PAPLN: variants seen among roughly 807,000 people sequenced by gnomAD.
The protein encoded by PAPLN is papilin.
Under a neutral mutation model 159.0 loss-of-function variants are expected in PAPLN, and 146 were observed. The observed-to-expected ratio is 0.92, with a 90% CI of 0.80 to 1.05. The LOEUF is 1.05. Ranked by LOEUF, PAPLN falls within the 50% of genes least tolerant of loss-of-function variation. The pLI, the probability that PAPLN is intolerant of heterozygous loss-of-function variation, is 0.00. For synonymous variants in PAPLN, 734 were observed against 702.9 expected (o/e 1.04, Z -0.70); for missense variants, 1,720 against 1,743.9 (o/e 0.99, Z 0.24).
chr14:73,260,682 G>GT (rs1566697678), intron 16 of PAPLN, 27 bp from the exon 17 acceptor site: 3 of 1,433,582 alleles, frequency 2.1e-6, no homozygotes. Context: ...AGGCTGGGCA[G>GT]TGAGGGGCTG....
At position 73,251,482 on chromosome 14, in the gene PAPLN, C is replaced by G. The variant is rs758202741; in HGVS notation, c.590-4C>G. ...ACACCCAGCACCTGCGTCTCTGCCC[C>G]CAGGCTACAACCAGATCCTCATAGT... On this transcript the variant is annotated splice_polypyrimidine_tract_variant and splice_region_variant and intron_variant, in intron 7 of 26. Transcript: ENST00000644200. 2.5e-6 allele frequency: 4 copies of G among 1,604,776 alleles called. No homozygotes were observed.
chr14:73,249,410 A>T (rs531826531), intron 5 of PAPLN, among the ~76,000 whole-genome samples: 1 of 152,270 alleles, frequency 6.6e-6, no homozygotes, highest in African/African-American at 2.4e-5. Context: ...ACAGTGGTTT[A>T]CACCTGTAAT....
rs369827131 is a variant in PAPLN, at chr14:73,262,792, A to G, written c.2688A>G (p.Gly896=). The change falls in exon 19 of 27, where the codon GGA becomes GGG. Residue 896 remains glycine (G), a synonymous_variant. Transcript: ENST00000644200. The part of the protein sequence containing the change: ...SRAPGLGGDA[G]SPAPPFHSSS... ...CCCCTGGACTGGGTGGAGATGCCGG[A>G]TCACCAGCGCCACCCTTCCACAGCT... The G allele has an allele frequency of 1.9e-5, 29 of 1,498,200 alleles. 1 individual carries two copies. The African/African-American group carries it at 3.9e-4, about 20-fold the overall frequency. The allele number at this position is 1,498,200 out of a possible 1,614,324, so 92.8% of individuals were successfully genotyped here. A position where few individuals can be genotyped will look rare whatever the true frequency, so the allele number is the denominator to read the frequency against.
Position 73,264,297 on chromosome 14 carries a change from C to T in PAPLN, c.2948C>T (p.Pro983Leu), listed in dbSNP as rs1886980524. The T allele has an allele frequency of 6.2e-7, 1 of 1,614,004 alleles. No individual in the cohort carries two copies. The change falls in exon 21 of 27, where the codon CCA (proline) becomes CTA (leucine). Residue 983 changes from proline (P) to leucine (L), a missense_variant. Transcript: ENST00000644200. ...ACCTACAGCTGTGGCAGCACCCGGCCAGGCCGCGACTCCCAGAAGATCCAA... is the reference window on the plus strand; with the variant it reads ...ACCTACAGCTGTGGCAGCACCCGGCTAGGCCGCGACTCCCAGAAGATCCAA... ...AGTYSCGSTR[P>L]GRDSQKIQLR...
rs1885194308 is a variant in PAPLN, at chr14:73,251,033, G to A, written c.589+3G>A. The stretch of plus-strand genomic sequence containing the variant: ...TGACGCTAATGACCTCAGCCGAGGT[G>A]GGGGTGGTTCCGACAAGGGGCAGTT... On this transcript the variant is annotated splice_donor_region_variant and intron_variant, in intron 7 of 26. Coordinates refer to ENST00000644200, the MANE Select transcript of PAPLN (RefSeq NM_001365906.3). The A allele has an allele frequency of 6.2e-7, 1 of 1,609,106 alleles. No individual in the cohort carries two copies. The highest frequency in any genetic ancestry group is 8.5e-7 in the Non-Finnish European group (1 of 1,177,846).
chr14:73,245,876 C>A lies in PAPLN; in HGVS notation c.231+180C>A. ...TCCTCACCCTGCTCCCGGGGACTGG[C>A]CTTGCCCTCCACAGCCTAGAGCACC... is the stretch of plus-strand genomic sequence containing the variant. On this transcript the variant is annotated intron_variant, in intron 4 of 26. Coordinates refer to ENST00000644200, the MANE Select transcript of PAPLN (RefSeq NM_001365906.3). This position sits in a 1 kb window ranked among gnomAD's most constrained non-coding sequence, Gnocchi z 4.2. 1.1e-6 allele frequency: 1 copy of A among 919,578 alleles called. No individual in the cohort carries two copies. The highest frequency in any genetic ancestry group is 1.6e-6 in the Non-Finnish European group (1 of 621,506). The allele number at this position is 919,578 out of a possible 1,614,324, so 57.0% of individuals were successfully genotyped here. A position where few individuals can be genotyped will look rare whatever the true frequency, so the allele number is the denominator to read the frequency against.
chr14:73,237,249 G>A (rs902345875), upstream of PAPLN, among the ~76,000 whole-genome samples: 1 of 152,166 alleles, frequency 6.6e-6, no homozygotes, highest in African/African-American at 2.4e-5. Flanking sequence ...GCTTGGGCAA[G>A]GGGAAATGGG....
Position 73,251,582 on chromosome 14 carries a change from T to G in PAPLN, c.670+16T>G. On this transcript the variant is annotated intron_variant, in intron 8 of 26. Coordinates refer to ENST00000644200, the MANE Select transcript of PAPLN (RefSeq NM_001365906.3). ...AACTTCCTGGGTGAGAGCCTAGGGT[T>G]AGGTCCTAGGCAGGTCTGGGGCTGC... The G allele has an allele frequency of 6.2e-7, 1 of 1,613,100 alleles. No homozygotes were observed. The highest frequency in any genetic ancestry group is 8.5e-7 in the Non-Finnish European group (1 of 1,179,830).
rs144222816 is a variant in PAPLN at position 73,252,715 on chromosome 14, G to A, written c.1034G>A (p.Arg345His). ...GCCTACCCCGACCACATGTGCCAGC[G>A]CCAGCCACGGCCAGCTGACCGGCGT... Reference protein sequence around the residue: ...HEAYPDHMCQRQPRPADRRSC... With the variant: ...HEAYPDHMCQHQPRPADRRSC... The change falls in exon 11 of 27, where the codon CGC becomes CAC. Residue 345 changes from arginine (R) to histidine (H), a missense_variant. By Grantham distance (29) the Arg-to-His change is conservative (BLOSUM62 0). Coordinates refer to ENST00000644200, the MANE Select transcript of PAPLN (RefSeq NM_001365906.3). The A allele has an allele frequency of 2.6e-5, 42 of 1,613,340 alleles. 1 individual carries two copies. In the African/African-American group the frequency reaches 4.1e-4, roughly 16 times the overall value.
At position 73,265,594 on chromosome 14, in the gene PAPLN, C is replaced by G. The variant is rs177383; in HGVS notation, c.3263+87C>G. ...GGCCACCGGGGAAGGGAGCTGCTAG[C>G]GCATGGTCATGGCCAGTCCTGAGCC... On this transcript the variant is annotated intron_variant, in intron 23 of 26. Coordinates refer to ENST00000644200, the MANE Select transcript of PAPLN (RefSeq NM_001365906.3). The surrounding 1 kb of genome is among the most constrained non-coding windows in gnomAD (Gnocchi z 4.1). 1,155,483 of 1,552,216 alleles carry G rather than the reference C, an allele frequency of 0.74. 433,861 individuals are homozygous for G. The highest frequency in any genetic ancestry group is 0.95 in the African/African-American group (70,802 of 74,190).
chr14:73,266,721 A>G lies in PAPLN; in HGVS notation c.3392-2A>G. ...CTGACAATGACTTGTCCTTGTGCCC[A>G]GGGGAGCTGACAATCTCAGGACTGC... On this transcript the variant is annotated splice_acceptor_variant, in intron 24 of 26. Transcript: ENST00000644200. LOFTEE classifies it high-confidence loss of function. 6.2e-7 allele frequency: 1 copy of G among 1,614,090 alleles called. No homozygotes were observed. The highest frequency in any genetic ancestry group is 8.5e-7 in the Non-Finnish European group (1 of 1,179,984).
chr14:73,250,886 C>T (rs755529813), intron 6 of PAPLN, 21 bp from the exon 7 acceptor site: 28 of 1,600,006 alleles, frequency 1.7e-5, no homozygotes, highest in Non-Finnish European at 2.3e-5. Flanking sequence ...TCTCCCCTGC[C>T]TCCCGCATCT....
intron 15 of PAPLN, 45 bp from the exon 16 acceptor site, chr14:73,259,224 G>A (rs1886275722): frequency 6.5e-7 from 1 of 1,527,412 alleles, no homozygotes; most frequent in African/African-American, 1.4e-5. Flanking sequence ...GTGGAGGGGA[G>A]GAGCCAGGTG....
At chr14:73,254,782 G>A (rs370336009) in intron 13 of PAPLN, 87 bp downstream of exon 13, 19 of 1,588,352 alleles carry the variant, frequency 1.2e-5, no homozygotes, top group Admixed American at 8.5e-5. Context: ...GACCTGACAC[G>A]CGCCACTGGG....
chr14:73,251,391 C>A, intron 7 of PAPLN, 95 bp from the exon 8 acceptor site: 1 of 1,294,292 alleles, frequency 7.7e-7, no homozygotes, highest in Non-Finnish European at 1.1e-6. Context: ...CCCTCCCTGC[C>A]CCCATTCTGT....
At chr14:73,256,940 G>A (rs1373815093) in intron 14 of PAPLN, among the ~76,000 whole-genome samples, 1 of 152,056 alleles carries the variant, frequency 6.6e-6, no homozygotes, top group East Asian at 1.9e-4. Flanking sequence ...TCTAGGGATT[G>A]GCAAGATGTA....
intron 14 of PAPLN, among the ~76,000 whole-genome samples, chr14:73,255,771 G>T (rs1885837990): frequency 6.6e-6 from 1 of 152,178 alleles, no homozygotes; most frequent in South Asian, 2.1e-4. Context: ...GATGAAGGAA[G>T]GCAGAATTTC....
rs1465627766 is a variant in PAPLN, at chr14:73,261,224, C to T, written c.2175C>T (p.Gly725=). 6.2e-7 allele frequency: 1 copy of T among 1,614,024 alleles called. No individual in the cohort carries two copies. Among genetic ancestry groups the T allele is most frequent in the Admixed American group, 1.7e-5 (1 of 60,022 alleles). The change falls in exon 18 of 27, where the codon GGC becomes GGT. Residue 725 remains glycine, a synonymous_variant. Coordinates refer to ENST00000644200, the MANE Select transcript of PAPLN (RefSeq NM_001365906.3). The stretch of plus-strand genomic sequence containing the variant: ...GTGAGTGCCGGGGCTCCCAGTTTGG[C>T]TGTTGCTATGACAACGTGGCCACTG... ...EPSECRGSQF[G]CCYDNVATAA... is the part of the protein sequence containing the mutation.
intron 2 of PAPLN, among the ~76,000 whole-genome samples, chr14:73,241,277 C>T (rs1038107848): frequency 2.6e-5 from 4 of 152,198 alleles, no homozygotes; most frequent in African/African-American, 9.7e-5. Flanking sequence ...ATCTTGCTTC[C>T]TAAATGCCAC....
Sources: gnomAD v4.1 joint callset for allele counts (sites outside exome capture counted in the v4.1 genomes callset) on GRCh38, gnomAD v4.1.1 for gene constraint, Gnocchi (gnomAD v3.1) non-coding constraint, MANE v1.5 for transcripts, NCBI Gene and HGNC (gene_info 2026-07-23, HGNC 2026-07-21) for gene names.